Variants in STEAP1B observed in about 807,000 individuals in gnomAD.
STEAP1B encodes the protein STEAP family protein MGC87042.
Under a neutral mutation model 27.9 loss-of-function variants are expected in STEAP1B, and 13 were observed. That is an observed-to-expected ratio of 0.47 (90% CI 0.30 to 0.74). STEAP1B has a LOEUF of 0.74. STEAP1B is among the 30% of genes least tolerant of loss of function. The pLI is 0.06. For missense variants in STEAP1B, 250 were observed against 298.7 expected (o/e 0.84, Z 1.20); for synonymous variants, 86 against 107.1 (o/e 0.80, Z 1.22).
At chr7:22,495,980 C>T (rs151292470) in intron 1 of STEAP1B, among the ~76,000 whole-genome samples, 5,424 of 152,168 alleles carry the variant, frequency 0.036, 195 homozygotes, top group Admixed American at 0.12. Flanking sequence ...CTGTAAACAG[C>T]CCTAGGCAGG....
At chr7:22,461,013 A>T (rs1785669466) in intron 4 of STEAP1B, among the ~76,000 whole-genome samples, 1 of 152,206 alleles carries the variant, frequency 6.6e-6, no homozygotes, top group Non-Finnish European at 1.5e-5. Context: ...TAAATGACAC[A>T]GGAGGCCCAA....
At chr7:22,464,948 C>CATATATATAA (rs1785748119) in intron 4 of STEAP1B, among the ~76,000 whole-genome samples, 1 of 45,012 alleles carries the variant, frequency 2.2e-5, no homozygotes, top group African/African-American at 5.6e-5. Context: ...TACCAAACCC[C>CATATATATAA]ATATATATAT....
At chr7:22,446,675 G>A (rs1040037773) in intron 4 of STEAP1B, among the ~76,000 whole-genome samples, 3 of 152,156 alleles carry the variant, frequency 2.0e-5, no homozygotes, top group African/African-American at 7.2e-5. Context: ...TTATTTTTCT[G>A]AGCACTCACT....
At chr7:22,498,552 T>C (rs1266598105) in intron 1 of STEAP1B, among the ~76,000 whole-genome samples, 1 of 152,204 alleles carries the variant, frequency 6.6e-6, no homozygotes, top group Non-Finnish European at 1.5e-5. Flanking sequence ...TCAGTAACTA[T>C]ATTGTGAACA....
chr7:22,433,610 GGCCT>G (rs1349815501), intron 4 of STEAP1B, among the ~76,000 whole-genome samples: 1 of 152,140 alleles, frequency 6.6e-6, no homozygotes, highest in Admixed American at 6.5e-5. Context: ...TGGATATTTG[GGCCT>G]GCCACATAGG....
intron 4 of STEAP1B, among the ~76,000 whole-genome samples, chr7:22,420,736 G>A (rs936530939): frequency 2.6e-5 from 4 of 152,204 alleles, no homozygotes; most frequent in African/African-American, 9.7e-5. Flanking sequence ...CCTTTTTAAA[G>A]TTCTTCTCTT....
intron 4 of STEAP1B, among the ~76,000 whole-genome samples, chr7:22,453,308 G>A (rs1490520397): frequency 6.6e-6 from 1 of 152,178 alleles, no homozygotes; most frequent in Non-Finnish European, 1.5e-5. Flanking sequence ...AGAAGGCTGA[G>A]GCATTTCCAT....
Position 22,445,878 on chromosome 7 carries a change from G to A in STEAP1B, c.763-26042C>T, listed in dbSNP as rs111758566. 1.8e-3 allele frequency among the ~76,000 whole-genome samples: 267 copies of A among 152,354 alleles called. 1 individual carries two copies. The highest frequency in any genetic ancestry group is 7.9e-3 in the South Asian group (38 of 4,826). ...TTTCTCCTCCTGATTTCACTTGTGT[G>A]GGGAAGCATGAAACAACCACTAATC... On this transcript the variant is annotated intron_variant, in intron 4 of 4. Coordinates refer to ENST00000678116, the MANE Select transcript of STEAP1B (RefSeq NM_001382447.1).
intron 4 of STEAP1B, among the ~76,000 whole-genome samples, chr7:22,487,804 CAAAAA>C (rs200447382): frequency 1.2e-5 from 1 of 81,358 alleles, no homozygotes; most frequent in Non-Finnish European, 2.6e-5. Flanking sequence ...AAACTCCACC[CAAAAA>C]AAAAAAAAAA....
intron 4 of STEAP1B, among the ~76,000 whole-genome samples, chr7:22,448,629 T>C (rs1294908037): frequency 1.3e-5 from 2 of 152,168 alleles, no homozygotes; most frequent in Admixed American, 6.5e-5. Context: ...AACATAAATA[T>C]GACAACTTTA....
chr7:22,466,080 G>T (rs1785775073), intron 4 of STEAP1B, among the ~76,000 whole-genome samples: 1 of 152,198 alleles, frequency 6.6e-6, no homozygotes, highest in Non-Finnish European at 1.5e-5. Context: ...GTATGCTGAA[G>T]TTACTGCTCT....
chr7:22,428,189 C>T (rs1785132895), intron 4 of STEAP1B, among the ~76,000 whole-genome samples: 1 of 152,224 alleles, frequency 6.6e-6, no homozygotes, highest in South Asian at 2.1e-4. Flanking sequence ...CCAGTACTCC[C>T]GGAATCAGAA....
chr7:22,456,146 C>CA (rs149210913), intron 4 of STEAP1B, among the ~76,000 whole-genome samples: 2,745 of 137,878 alleles, frequency 0.02, 88 homozygotes, highest in African/African-American at 0.067. Flanking sequence ...GACTCCATCT[C>CA]AAAAAAAAAA....
At chr7:22,429,418 T>C (rs1785150436) in intron 4 of STEAP1B, among the ~76,000 whole-genome samples, 2 of 152,144 alleles carry the variant, frequency 1.3e-5, no homozygotes, top group South Asian at 2.1e-4. Flanking sequence ...GAAGAATACA[T>C]ACAGAATGAT....
intron 1 of STEAP1B, 36 bp from the exon 2 acceptor site, chr7:22,494,922 C>T: frequency 4.5e-6 from 5 of 1,116,446 alleles, no homozygotes; most frequent in Non-Finnish European, 6.4e-6. Flanking sequence ...CATGTCTATT[C>T]TACTTATGAT....
At chr7:22,457,343 G>A (rs1210601777) in intron 4 of STEAP1B, among the ~76,000 whole-genome samples, 2 of 152,022 alleles carry the variant, frequency 1.3e-5, no homozygotes, top group South Asian at 2.1e-4. Context: ...GCCACAATGA[G>A]CCAACTGTAT....
intron 4 of STEAP1B, among the ~76,000 whole-genome samples, chr7:22,448,570 T>C (rs554745872): frequency 1.3e-5 from 2 of 152,320 alleles, no homozygotes; most frequent in East Asian, 3.8e-4. Flanking sequence ...GTTAAAATTT[T>C]TCTTCTGGAT....
intron 4 of STEAP1B, among the ~76,000 whole-genome samples, chr7:22,454,866 T>TGTATAGATATA (rs58504014): frequency 1.7e-5 from 1 of 57,150 alleles, no homozygotes; most frequent in African/African-American, 7.0e-5. Flanking sequence ...TATATATATA[T>TGTATAGATATA]TTTTTTTTTT....
intron 4 of STEAP1B, among the ~76,000 whole-genome samples, chr7:22,465,437 G>T (rs1020233797): frequency 6.6e-6 from 1 of 151,968 alleles, no homozygotes; most frequent in Admixed American, 6.6e-5. Flanking sequence ...TACCTGCAAT[G>T]TGCTTTTTCC....
Sources: allele counts gnomAD v4.1 joint callset (sites outside exome capture counted in the v4.1 genomes callset), GRCh38; gene constraint gnomAD v4.1.1; transcripts MANE v1.5; gene names NCBI Gene and HGNC (gene_info 2026-07-23, HGNC 2026-07-21).